ITCH: variants seen among roughly 807,000 people sequenced by gnomAD.
ITCH encodes the protein E3 ubiquitin-protein ligase Itchy homolog.
In ITCH, 28 loss-of-function variants were observed where a neutral mutation model predicts 126.8. The ratio of observed to expected loss-of-function variants is 0.22; its 90% CI spans 0.16 to 0.30. The LOEUF is 0.30. ITCH is among the 10% of genes least tolerant of loss of function. The pLI, the probability that ITCH is intolerant of heterozygous loss-of-function variation, is 1.00. For synonymous variants in ITCH, 342 were observed against 340.0 expected (o/e 1.01, Z -0.06); for missense variants, 631 against 1,032.4 (o/e 0.61, Z 5.33).
At chr20:34,444,902 A>G (rs1984249092) in intron 10 of ITCH, among the ~76,000 whole-genome samples, 1 of 152,238 alleles carries the variant, frequency 6.6e-6, no homozygotes, top group Non-Finnish European at 1.5e-5. Flanking sequence ...TTGGCCTCCC[A>G]AAGTGCTAGG....
chr20:34,416,290 C>G (rs1201231458), intron 6 of ITCH, among the ~76,000 whole-genome samples: 2 of 152,028 alleles, frequency 1.3e-5, no homozygotes, highest in African/African-American at 2.4e-5. Context: ...CCCAGCTACT[C>G]GGGAGGCTGA....
intron 6 of ITCH, among the ~76,000 whole-genome samples, chr20:34,420,328 T>C (rs76466446): frequency 0.01 from 1,576 of 152,350 alleles, 39 homozygotes; most frequent in African/African-American, 0.036. Context: ...ATAAAAGGAA[T>C]CATGTGACTT....
intron 1 of ITCH, among the ~76,000 whole-genome samples, chr20:34,363,812 C>G (rs1568841096): frequency 6.6e-6 from 1 of 152,110 alleles, no homozygotes; most frequent in Non-Finnish European, 1.5e-5. Context: ...CGAGACTTTT[C>G]CGAGCCCCCA....
At chr20:34,417,960 C>T (rs1980174486) in intron 6 of ITCH, among the ~76,000 whole-genome samples, 1 of 150,168 alleles carries the variant, frequency 6.7e-6, no homozygotes. Context: ...ATGCATTTTA[C>T]TTTCAACTTT....
At chr20:34,404,320 C>G (rs2038980918) in intron 3 of ITCH, among the ~76,000 whole-genome samples, 2 of 151,324 alleles carry the variant, frequency 1.3e-5, no homozygotes, top group South Asian at 2.1e-4. Flanking sequence ...TTTGTTCAAT[C>G]TAGACTTTGA....
At position 34,510,386 on chromosome 20, in the gene ITCH, C is replaced by T. The variant is rs1386463007; in HGVS notation, c.*2592C>T. The T allele has an allele frequency of 6.8e-6, 1 of 147,786 alleles. No individual in the cohort carries two copies. Among genetic ancestry groups the T allele is most frequent in the Non-Finnish European group, 1.5e-5 (1 of 67,428 alleles). 9.2% of individuals were successfully genotyped at this position (147,786 alleles called of 1,614,324 possible). On this transcript the variant is annotated 3_prime_UTR_variant, in exon 25 of 25. Coordinates refer to ENST00000374864, the MANE Select transcript of ITCH (RefSeq NM_031483.7). Reference sequence around the variant, plus strand: ...GAGCTTTTTCTTAAATCTGAACTAACTTGCTTTTAGAAGTCTTTTTCTTTG... The same window carrying T: ...GAGCTTTTTCTTAAATCTGAACTAATTTGCTTTTAGAAGTCTTTTTCTTTG...
At chr20:34,463,063 A>G (rs988792370) in intron 14 of ITCH, among the ~76,000 whole-genome samples, 10 of 152,174 alleles carry the variant, frequency 6.6e-5, no homozygotes, top group African/African-American at 1.9e-4. Context: ...GAACATTGGT[A>G]TATAATTTTC....
At chr20:34,443,503 C>CAA (rs757432354) in intron 10 of ITCH, among the ~76,000 whole-genome samples, 70 of 138,776 alleles carry the variant, frequency 5.0e-4, no homozygotes, top group African/African-American at 1.8e-3. Context: ...AAGACTCCGT[C>CAA]AAAAAAAAAA....
chr20:34,498,423 A>G (rs997382263), intron 23 of ITCH, among the ~76,000 whole-genome samples: 2 of 152,160 alleles, frequency 1.3e-5, no homozygotes, highest in Admixed American at 6.5e-5. Flanking sequence ...CTTGGAGGAA[A>G]AGCTTTTAGT....
intron 12 of ITCH, chr20:34,450,811 C>G (rs2146326719): frequency 6.6e-6 from 1 of 152,246 alleles, no homozygotes; most frequent in Non-Finnish European, 1.5e-5. Context: ...GTTGGTGTGT[C>G]AAGATCACAT....
At chr20:34,458,763 A>C (rs1986250415) in intron 13 of ITCH, among the ~76,000 whole-genome samples, 1 of 152,088 alleles carries the variant, frequency 6.6e-6, no homozygotes, top group African/African-American at 2.4e-5. Flanking sequence ...TCTGTACCCA[A>C]ATTTCCTGTT....
intron 2 of ITCH, among the ~76,000 whole-genome samples, chr20:34,386,095 G>GTTTTTTTTTTTTTTTT (rs58468663): frequency 6.9e-6 from 1 of 144,716 alleles, no homozygotes; most frequent in African/African-American, 2.5e-5. Flanking sequence ...CGGCTCCTTT[G>GTTTTTTTTTTTTTTTT]TTTTTTTTTT....
At chr20:34,486,260 T>G (rs906346368) in intron 20 of ITCH, among the ~76,000 whole-genome samples, 1 of 151,850 alleles carries the variant, frequency 6.6e-6, no homozygotes, top group Non-Finnish European at 1.5e-5. Context: ...ATCCAAACGA[T>G]ACTCCCACTT....
chr20:34,426,651 A>G (rs1030097151), intron 7 of ITCH, among the ~76,000 whole-genome samples: 2 of 118,452 alleles, frequency 1.7e-5, no homozygotes, highest in Non-Finnish European at 2.0e-5. Context: ...GGGTTTTGCC[A>G]TATTGGCCAG....
chr20:34,414,144 T>TAA (rs76509681), intron 6 of ITCH, among the ~76,000 whole-genome samples: 1 of 137,520 alleles, frequency 7.3e-6, no homozygotes. Context: ...CTTGTTTCTT[T>TAA]AAAAAAAAAA....
At chr20:34,378,041 A>G (rs369208500) in intron 2 of ITCH, among the ~76,000 whole-genome samples, 15 of 150,900 alleles carry the variant, frequency 9.9e-5, no homozygotes, top group African/African-American at 3.2e-4. Context: ...TTTTTTTAAC[A>G]TACCTGGGAA....
chr20:34,397,634 C>T (rs981765561), intron 3 of ITCH, among the ~76,000 whole-genome samples: 7 of 152,100 alleles, frequency 4.6e-5, no homozygotes, highest in East Asian at 3.8e-4. Context: ...AGAATTTTTT[C>T]GGATTTCCTT....
chr20:34,436,506 G>A (rs888235745), intron 7 of ITCH, among the ~76,000 whole-genome samples: 1 of 152,204 alleles, frequency 6.6e-6, no homozygotes, highest in Non-Finnish European at 1.5e-5. Flanking sequence ...GAGAAGCAGT[G>A]TCAAAGCTGA....
chr20:34,400,517 CTGTG>C (rs755627069), intron 3 of ITCH, among the ~76,000 whole-genome samples: 5 of 151,770 alleles, frequency 3.3e-5, no homozygotes, highest in Non-Finnish European at 5.9e-5. Flanking sequence ...ATGGGAATGG[CTGTG>C]TCTTTCAGGT....
Sources: allele counts gnomAD v4.1 joint callset (sites outside exome capture counted in the v4.1 genomes callset), GRCh38; gene constraint gnomAD v4.1.1; transcripts MANE v1.5; gene names NCBI Gene and HGNC (gene_info 2026-07-23, HGNC 2026-07-21).